The following TTC7B variants were observed in gnomAD, a reference collection of about 807,000 sequenced individuals.
The protein encoded by TTC7B is tetratricopeptide repeat protein 7B.
In TTC7B, 28 loss-of-function variants were observed where a neutral mutation model predicts 106.8. The ratio of observed to expected loss-of-function variants is 0.26; its 90% CI spans 0.19 to 0.36. TTC7B has a LOEUF of 0.36. TTC7B is among the 10% of genes least tolerant of loss of function. The pLI is 1.00. For missense variants in TTC7B, 862 were observed against 1,076.4 expected (o/e 0.80, Z 2.79); for synonymous variants, 405 against 430.6 (o/e 0.94, Z 0.74).
At chr14:90,634,776 A>G (rs1236335952) in intron 15 of TTC7B, among the ~76,000 whole-genome samples, 1 of 152,214 alleles carries the variant, frequency 6.6e-6, no homozygotes, top group Non-Finnish European at 1.5e-5. Context: ...TCTCAAAAAA[A>G]CAAAACAAAA....
At chr14:90,729,296 T>C (rs971977139) in intron 5 of TTC7B, among the ~76,000 whole-genome samples, 5 of 152,230 alleles carry the variant, frequency 3.3e-5, no homozygotes, top group Non-Finnish European at 7.3e-5. Context: ...AACTCCATTG[T>C]TCATTTTTCC....
intron 18 of TTC7B, among the ~76,000 whole-genome samples, chr14:90,587,264 C>T (rs1891755123): frequency 6.6e-6 from 1 of 152,204 alleles, no homozygotes; most frequent in African/African-American, 2.4e-5. Flanking sequence ...GTGGTCCTTT[C>T]ATGCTCCTGC....
chr14:90,689,635 T>C lies in TTC7B; in HGVS notation c.855A>G (p.Pro285=), dbSNP rs1389257180. 5.6e-6 allele frequency: 9 copies of C among 1,614,038 alleles called. No homozygotes were observed. Among genetic ancestry groups the C allele is most frequent in the Middle Eastern group, 1.6e-4 (1 of 6,084 alleles). ...EQSYWNPLED[P]PCQSPLDDPL... is the part of the protein sequence containing the mutation. ...GATCGTCCAGAGGTGACTGGCACGG[T>C]GGATCCTCCAGAGGGTTCCAGTAGC... Residue 285 remains proline (P), a synonymous_variant, in exon 7 of 20, where the codon CCA becomes CCG. Transcript: ENST00000328459.
intron 5 of TTC7B, among the ~76,000 whole-genome samples, chr14:90,708,073 G>T (rs1338267907): frequency 6.7e-6 from 1 of 148,320 alleles, no homozygotes; most frequent in Non-Finnish European, 1.5e-5. Flanking sequence ...TAGAACCCAG[G>T]AGGTGGAGGT....
chr14:90,579,200 G>C (rs1350894844), intron 18 of TTC7B, among the ~76,000 whole-genome samples: 1 of 152,216 alleles, frequency 6.6e-6, no homozygotes, highest in Non-Finnish European at 1.5e-5. Context: ...TGGGCCTGAG[G>C]CTTCAGGGAC....
chr14:90,730,300 T>C, intron 4 of TTC7B, 104 bp from the exon 5 acceptor site: 8 of 1,370,842 alleles, frequency 5.8e-6, no homozygotes, highest in Non-Finnish European at 7.8e-6. Context: ...ACCAACTTCC[T>C]CAGGCAAATA....
At chr14:90,658,585 C>A (rs1004192816) in intron 9 of TTC7B, among the ~76,000 whole-genome samples, 198 bp from the exon 10 acceptor site, 2 of 152,244 alleles carry the variant, frequency 1.3e-5, no homozygotes. Flanking sequence ...GTGGCCAGGA[C>A]AACCTACAAC....
intron 3 of TTC7B, among the ~76,000 whole-genome samples, chr14:90,755,959 A>T (rs1404701664): frequency 6.6e-6 from 1 of 152,264 alleles, no homozygotes; most frequent in Non-Finnish European, 1.5e-5. Context: ...TTTGAGGGGT[A>T]GCTGAAAAAT....
chr14:90,594,484 T>C (rs2139823136), intron 17 of TTC7B, among the ~76,000 whole-genome samples: 1 of 152,276 alleles, frequency 6.6e-6, no homozygotes, highest in Admixed American at 6.5e-5. Context: ...CTTTCCAACA[T>C]TCACTCTTGG....
rs140438096 is a variant in TTC7B at position 90,678,289 on chromosome 14, TG to T, written c.1015-1630del. On this transcript the variant is annotated intron_variant, in intron 8 of 19. Coordinates refer to ENST00000328459, the MANE Select transcript of TTC7B (RefSeq NM_001010854.2). ...TCTCCTAGGGGAAACTAATTTGATT[TG>T]TAGTTAGAAAACAGCACAATTCTAA... Among the ~76,000 whole-genome samples, 398 of 152,372 alleles carry T rather than the reference TG, an allele frequency of 2.6e-3. 2 individuals are homozygous for T. The highest frequency in any genetic ancestry group is 9.1e-3 in the African/African-American group (379 of 41,594).
intron 19 of TTC7B, among the ~76,000 whole-genome samples, chr14:90,552,059 C>A (rs1890104851): frequency 6.6e-6 from 1 of 152,244 alleles, no homozygotes; most frequent in Non-Finnish European, 1.5e-5. Context: ...GTGTGTGTGT[C>A]TTGGCTAATG....
chr14:90,734,701 C>CT (rs1277318054), intron 4 of TTC7B, among the ~76,000 whole-genome samples: 1 of 152,130 alleles, frequency 6.6e-6, no homozygotes, highest in African/African-American at 2.4e-5. Flanking sequence ...TCAGAGTTCT[C>CT]TGAGAATTCC....
chr14:90,554,984 G>C (rs1890242180), intron 19 of TTC7B, among the ~76,000 whole-genome samples: 1 of 152,210 alleles, frequency 6.6e-6, no homozygotes, highest in African/African-American at 2.4e-5. Context: ...CTGGGAGGTT[G>C]TAGTGGTGAC....
chr14:90,607,305 T>C (rs1892682547), intron 17 of TTC7B, among the ~76,000 whole-genome samples: 1 of 152,158 alleles, frequency 6.6e-6, no homozygotes, highest in Non-Finnish European at 1.5e-5. Flanking sequence ...ATCTCGAAAG[T>C]GGAAGTTCAC....
chr14:90,573,764 C>T (rs1244044861), intron 19 of TTC7B, among the ~76,000 whole-genome samples: 1 of 152,226 alleles, frequency 6.6e-6, no homozygotes, highest in Non-Finnish European at 1.5e-5. Flanking sequence ...CTGCCATCTG[C>T]TTCTGCTTCA....
At chr14:90,547,418 G>C (rs575623855) in intron 19 of TTC7B, among the ~76,000 whole-genome samples, 1 of 152,370 alleles carries the variant, frequency 6.6e-6, no homozygotes, top group East Asian at 1.9e-4. Context: ...CTGTGTGCAA[G>C]GTTTCCTGCT....
intron 5 of TTC7B, among the ~76,000 whole-genome samples, chr14:90,695,921 G>A (rs1290337505): frequency 1.3e-5 from 2 of 152,060 alleles, no homozygotes; most frequent in African/African-American, 4.8e-5. Flanking sequence ...TCATTTAAAA[G>A]GTGGGAGACA....
At chr14:90,736,878 C>A (rs1397161431) in intron 4 of TTC7B, among the ~76,000 whole-genome samples, 2 of 113,174 alleles carry the variant, frequency 1.8e-5, no homozygotes, top group Non-Finnish European at 3.4e-5. Flanking sequence ...AGCAACAGAG[C>A]AAGACCATGT....
chr14:90,597,384 G>A (rs748876473), intron 17 of TTC7B, among the ~76,000 whole-genome samples: 16 of 152,266 alleles, frequency 1.1e-4, no homozygotes, highest in South Asian at 4.1e-4. Flanking sequence ...CAGGCCAGGC[G>A]CGGTGGCTCA....
Sources: gnomAD v4.1 joint callset for allele counts (sites outside exome capture counted in the v4.1 genomes callset) on GRCh38, gnomAD v4.1.1 for gene constraint, MANE v1.5 for transcripts, NCBI Gene and HGNC (gene_info 2026-07-23, HGNC 2026-07-21) for gene names.